The following ENTPD1 variants were observed in gnomAD, a reference collection of about 807,000 sequenced individuals.
ENTPD1 encodes the protein ATP diphosphohydrolase.
In ENTPD1, 33 loss-of-function variants were observed where a neutral mutation model predicts 57.0. That is an observed-to-expected ratio of 0.58 (90% CI 0.44 to 0.77). ENTPD1 has a LOEUF of 0.77. ENTPD1 is among the 30% of genes least tolerant of loss of function. The pLI is 0.00. For synonymous variants in ENTPD1, 202 were observed against 218.8 expected (o/e 0.92, Z 0.68); for missense variants, 501 against 603.4 (o/e 0.83, Z 1.78).
intron 1 of ENTPD1, among the ~76,000 whole-genome samples, chr10:95,740,467 T>G: frequency 6.6e-6 from 1 of 152,188 alleles, no homozygotes; most frequent in East Asian, 1.9e-4. Flanking sequence ...TTCAGAATGG[T>G]CAATTAACAA....
rs34980533 is a variant in ENTPD1 at position 95,872,678 on chromosome 10, C to CA, written c.*6295_*6296insA. On this transcript the variant is annotated 3_prime_UTR_variant, in exon 10 of 10. Coordinates refer to ENST00000371205, the MANE Select transcript of ENTPD1 (RefSeq NM_001776.6). The stretch of plus-strand genomic sequence containing the variant: ...AAAGTTGGATTCAGGGATATTATCA[C>CA]GGACCTAAGGTAATAGTTCTAGCCA... 539,551 of 984,988 alleles carry CA rather than the reference C, an allele frequency of 0.55. 148,825 individuals are homozygous for CA. Among genetic ancestry groups the CA allele is most frequent in the Admixed American group, 0.63 (10,223 of 16,254 alleles). The allele number at this position is 984,988 out of a possible 1,614,324, so 61.0% of individuals were successfully genotyped here. A position where few individuals can be genotyped will look rare whatever the true frequency, so the allele number is the denominator to read the frequency against.
At chr10:95,731,734 A>G (rs1379755111) in intron 1 of ENTPD1, among the ~76,000 whole-genome samples, 1 of 144,108 alleles carries the variant, frequency 6.9e-6, no homozygotes, top group African/African-American at 2.5e-5. Flanking sequence ...CTAACATTGG[A>G]TATTCTTTTA....
upstream of ENTPD1, among the ~76,000 whole-genome samples, chr10:95,751,269 C>T (rs1170438462): frequency 6.6e-6 from 1 of 152,080 alleles, no homozygotes; most frequent in African/African-American, 2.4e-5. Context: ...TGCACTATGG[C>T]AGAAGTGACG....
At chr10:95,755,620 C>T, upstream of ENTPD1, 1 of 1,387,786 alleles carries the variant, frequency 7.2e-7, no homozygotes, top group Non-Finnish European at 9.8e-7. Context: ...AATAACGCAG[C>T]GTCTCCTGCA....
chr10:95,790,919 C>T (rs2098201258), intron 1 of ENTPD1, among the ~76,000 whole-genome samples: 1 of 152,120 alleles, frequency 6.6e-6, no homozygotes, highest in East Asian at 1.9e-4. Flanking sequence ...TCTTATGTGG[C>T]ACGATTTATC....
intron 1 of ENTPD1, among the ~76,000 whole-genome samples, chr10:95,777,208 G>T (rs183945287): frequency 1.1e-3 from 161 of 152,282 alleles, no homozygotes; most frequent in African/African-American, 3.6e-3. Flanking sequence ...AGGAAAAGAG[G>T]CCCTCTGGTT....
intron 7 of ENTPD1, among the ~76,000 whole-genome samples, chr10:95,858,372 C>T (rs955510158): frequency 6.6e-6 from 1 of 152,068 alleles, no homozygotes; most frequent in African/African-American, 2.4e-5. Flanking sequence ...AGGGCTAGAA[C>T]ATGCCTGGTT....
intron 9 of ENTPD1, 133 bp from the exon 10 acceptor site, chr10:95,866,044 C>G: frequency 8.6e-6 from 11 of 1,276,974 alleles, no homozygotes; most frequent in Non-Finnish European, 1.1e-5. Flanking sequence ...AGATTACAGG[C>G]ATGAGCCACT....
chr10:95,710,397 T>G (rs1225532986), upstream of ENTPD1, among the ~76,000 whole-genome samples: 1 of 152,126 alleles, frequency 6.6e-6, no homozygotes, highest in Non-Finnish European at 1.5e-5. Context: ...AGAGCCAGAC[T>G]GTTTTAAAAA....
chr10:95,838,641 G>A (rs562510854), intron 2 of ENTPD1, among the ~76,000 whole-genome samples: 16 of 152,342 alleles, frequency 1.1e-4, no homozygotes, highest in South Asian at 6.2e-4. Context: ...GTAACTGACT[G>A]AGAGGGGCAC....
intron 6 of ENTPD1, 54 bp from the exon 7 acceptor site, chr10:95,847,392 C>T (rs899780260): frequency 4.3e-6 from 7 of 1,609,668 alleles, no homozygotes; most frequent in Non-Finnish European, 6.0e-6. Context: ...CAGACTGTAC[C>T]TTTTGTATCC....
At chr10:95,807,517 C>T (rs553146449) in intron 1 of ENTPD1, among the ~76,000 whole-genome samples, 1 of 152,324 alleles carries the variant, frequency 6.6e-6, no homozygotes, top group African/African-American at 2.4e-5. Context: ...GGGCTGCACC[C>T]GTTGTCCAAC....
At chr10:95,760,839 T>TTTTTC (rs1266921725) in intron 1 of ENTPD1, among the ~76,000 whole-genome samples, 4 of 80,172 alleles carry the variant, frequency 5.0e-5, no homozygotes, top group African/African-American at 2.1e-4. Flanking sequence ...TTTTTTTTTT[T>TTTTTC]TTTTTTTTGA....
intron 1 of ENTPD1, among the ~76,000 whole-genome samples, chr10:95,779,476 T>C (rs2098147781): frequency 6.6e-6 from 1 of 152,232 alleles, no homozygotes; most frequent in African/African-American, 2.4e-5. Flanking sequence ...TAACCTCAAA[T>C]GGGATACTGT....
chr10:95,814,288 G>A (rs2098322063), intron 1 of ENTPD1, among the ~76,000 whole-genome samples: 1 of 152,202 alleles, frequency 6.6e-6, no homozygotes, highest in African/African-American at 2.4e-5. Context: ...TAGAAGGGGT[G>A]GGGGCAAGAG....
At position 95,744,995 on chromosome 10, in the gene ENTPD1, T is replaced by C. The variant is rs1414177100; in HGVS notation, c.37+33002T>C. Among the ~76,000 whole-genome samples, 3 of 152,166 alleles carry C rather than the reference T, an allele frequency of 2.0e-5. No homozygotes were observed. The East Asian group carries it at 5.8e-4, about 29-fold the overall frequency. ...TAAAGTAAGCAGTTTTTTAAAAAAT[T>C]TAAATTTTTAAAAATATTTTTAAGT... On this transcript the variant is annotated intron_variant, in intron 1 of 9. Coordinates refer to the ENTPD1 transcript ENST00000453258.
At chr10:95,844,819 C>CA in intron 5 of ENTPD1, 184 bp downstream of exon 5, 1 of 761,502 alleles carries the variant, frequency 1.3e-6, no homozygotes. Context: ...AATTCTCTTA[C>CA]AAGACCTTCT....
intron 1 of ENTPD1, among the ~76,000 whole-genome samples, chr10:95,731,670 C>T (rs560868592): frequency 1.1e-4 from 16 of 152,028 alleles, no homozygotes; most frequent in South Asian, 4.2e-4. Context: ...CTGTATTCTA[C>T]ACCTGTTTCC....
At chr10:95,832,457 C>G (rs1303044372) in intron 2 of ENTPD1, among the ~76,000 whole-genome samples, 1 of 152,128 alleles carries the variant, frequency 6.6e-6, no homozygotes. Context: ...TGGGAAAGTA[C>G]CTTTGTTCTG....
Sources: allele counts gnomAD v4.1 joint callset (sites outside exome capture counted in the v4.1 genomes callset), GRCh38; gene constraint gnomAD v4.1.1; transcripts MANE v1.5; gene names NCBI Gene and HGNC (gene_info 2026-07-23, HGNC 2026-07-21).